RASGEF1A: variants seen among roughly 807,000 people sequenced by gnomAD.
The protein encoded by RASGEF1A is ras-GEF domain-containing family member 1A.
A neutral mutation model predicts 56.4 loss-of-function variants in RASGEF1A; 18 were observed. That is an observed-to-expected ratio of 0.32 (90% confidence interval 0.22 to 0.47). The LOEUF (loss-of-function observed/expected upper bound fraction) is 0.47, where lower values mean the gene tolerates loss of function less well. Among genes scored for constraint, RASGEF1A ranks in the 20% least tolerant of loss-of-function variants. RASGEF1A has a pLI of 1.00. For missense variants in RASGEF1A, 422 were observed against 627.1 expected, an observed-to-expected ratio of 0.67 and a Z score of 3.49; for synonymous variants, 245 against 242.6, an observed-to-expected ratio of 1.01 and a Z score of -0.09.
chr10:43,244,212 T>C (rs1033542368), intron 1 of RASGEF1A, among the ~76,000 whole-genome samples: 5 of 152,150 alleles, frequency 3.3e-5, no homozygotes, highest in African/African-American at 4.8e-5. Context: ...GTCATCACCG[T>C]TCCCTAATCT....
chr10:43,252,991 G>C (rs1385269680), intron 1 of RASGEF1A, among the ~76,000 whole-genome samples: 3 of 152,198 alleles, frequency 2.0e-5, no homozygotes, highest in Non-Finnish European at 2.9e-5. Flanking sequence ...CACGCCTTCA[G>C]GACCAGCGAG....
chr10:43,249,261 T>C (rs986098037), intron 1 of RASGEF1A, among the ~76,000 whole-genome samples: 25 of 152,090 alleles, frequency 1.6e-4, no homozygotes, highest in Non-Finnish European at 3.1e-4. Flanking sequence ...CACTGCCAGC[T>C]CCCACCTGCT....
intron 1 of RASGEF1A, among the ~76,000 whole-genome samples, chr10:43,224,072 C>G (rs2133204427): frequency 6.6e-6 from 1 of 152,110 alleles, no homozygotes; most frequent in African/African-American, 2.4e-5. Context: ...CCCAAAAAGA[C>G]CAATAACCAT....
chr10:43,218,403 G>A (rs1219070002), intron 1 of RASGEF1A, among the ~76,000 whole-genome samples: 2 of 152,248 alleles, frequency 1.3e-5, no homozygotes, highest in Non-Finnish European at 2.9e-5. Context: ...GGGACTCAGA[G>A]CTGGCTCTGG....
chr10:43,260,955 C>T (rs939984004), intron 1 of RASGEF1A, among the ~76,000 whole-genome samples: 1 of 152,146 alleles, frequency 6.6e-6, no homozygotes, highest in Non-Finnish European at 1.5e-5. Context: ...ACACTTGGCC[C>T]GAATAGCAGC....
At chr10:43,219,945 TG>T (rs1840185911) in intron 1 of RASGEF1A, among the ~76,000 whole-genome samples, 2 of 152,130 alleles carry the variant, frequency 1.3e-5, no homozygotes, top group African/African-American at 4.8e-5. Context: ...GGGCCAGTCA[TG>T]GGGGTAGGGG....
chr10:43,226,104 C>G (rs115343025), intron 1 of RASGEF1A, among the ~76,000 whole-genome samples: 1,924 of 152,310 alleles, frequency 0.013, 43 homozygotes, highest in African/African-American at 0.044. Flanking sequence ...CCAGTGGTGC[C>G]AGGGGCCGCA....
chr10:43,265,245 C>T (rs753635630), intron 1 of RASGEF1A, among the ~76,000 whole-genome samples: 16 of 152,342 alleles, frequency 1.1e-4, no homozygotes, highest in South Asian at 6.2e-4. Context: ...GGGAGCCATC[C>T]GGCTGGCAGC....
intron 1 of RASGEF1A, among the ~76,000 whole-genome samples, chr10:43,214,548 C>A (rs1840109298): frequency 6.6e-6 from 1 of 152,172 alleles, no homozygotes; most frequent in Non-Finnish European, 1.5e-5. Context: ...ACTGGCCATC[C>A]TCCAACACCA....
chr10:43,239,657 T>G (rs527922867), intron 1 of RASGEF1A, among the ~76,000 whole-genome samples: 1 of 152,204 alleles, frequency 6.6e-6, no homozygotes, highest in African/African-American at 2.4e-5. Context: ...TGAAAACCAC[T>G]GGCGTAGCAG....
intron 1 of RASGEF1A, among the ~76,000 whole-genome samples, chr10:43,211,448 C>A (rs971919439): frequency 6.6e-6 from 1 of 152,166 alleles, no homozygotes; most frequent in Non-Finnish European, 1.5e-5. Context: ...CCTAGAGGCC[C>A]CTTGCCACCT....
chr10:43,223,888 A>T (rs1276534887), intron 1 of RASGEF1A, among the ~76,000 whole-genome samples: 1 of 152,180 alleles, frequency 6.6e-6, no homozygotes, highest in African/African-American at 2.4e-5. Flanking sequence ...GAAAGGAAGG[A>T]CATGAAAAAT....
chr10:43,219,178 C>G (rs986708868), intron 1 of RASGEF1A, among the ~76,000 whole-genome samples: 22 of 152,226 alleles, frequency 1.4e-4, no homozygotes, highest in South Asian at 1.0e-3. Context: ...CCTGCTCCCC[C>G]CTCCCCTTGG....
intron 1 of RASGEF1A, among the ~76,000 whole-genome samples, chr10:43,227,365 T>C (rs1840293664): frequency 6.6e-6 from 1 of 151,146 alleles, no homozygotes; most frequent in African/African-American, 2.4e-5. Flanking sequence ...CTGTCCCCAG[T>C]GCCCCCTGCA....
rs553877999 is a variant in RASGEF1A, at chr10:43,197,548, C to T, written c.1225-449G>A. ...ATCCGGCAGCCCACAGCCACCTACACCTGCCCTGCCACCTATGTCCCACCC... is the reference window on the plus strand; with the variant it reads ...ATCCGGCAGCCCACAGCCACCTACATCTGCCCTGCCACCTATGTCCCACCC... On this transcript the variant is annotated intron_variant, in intron 10 of 12. Coordinates refer to ENST00000395810, the MANE Select transcript of RASGEF1A (RefSeq NM_145313.4). Among the ~76,000 whole-genome samples the T allele has an allele frequency of 2.6e-5, 4 of 152,360 alleles. No homozygotes were observed. In the South Asian group the frequency reaches 6.2e-4, roughly 24 times the overall value.
At chr10:43,223,993 A>G (rs1185632811) in intron 1 of RASGEF1A, among the ~76,000 whole-genome samples, 1 of 152,228 alleles carries the variant, frequency 6.6e-6, no homozygotes, top group African/African-American at 2.4e-5. Flanking sequence ...GATCTGCAAG[A>G]ACTTTTAATG....
chr10:43,253,759 C>T (rs528965725), intron 1 of RASGEF1A, among the ~76,000 whole-genome samples: 1 of 152,354 alleles, frequency 6.6e-6, no homozygotes, highest in South Asian at 2.1e-4. Context: ...TCCGAAGAGG[C>T]AGGCCGGCCA....
intron 1 of RASGEF1A, among the ~76,000 whole-genome samples, chr10:43,232,379 G>T (rs1046524628): frequency 1.3e-5 from 2 of 152,018 alleles, no homozygotes; most frequent in African/African-American, 4.8e-5. Flanking sequence ...ATGAGTGAAA[G>T]CTCCCTGAGG....
At chr10:43,201,201 G>A (rs1165330349) in intron 4 of RASGEF1A, among the ~76,000 whole-genome samples, 1 of 152,204 alleles carries the variant, frequency 6.6e-6, no homozygotes, top group Non-Finnish European at 1.5e-5. Flanking sequence ...GCTGCTTCCT[G>A]AAGCAGGAGC....
Sources: allele counts gnomAD v4.1 joint callset (sites outside exome capture counted in the v4.1 genomes callset), GRCh38; gene constraint gnomAD v4.1.1; transcripts MANE v1.5; gene names NCBI Gene and HGNC (gene_info 2026-07-23, HGNC 2026-07-21).